AUTS2: variants seen among roughly 807,000 people sequenced by gnomAD.
AUTS2 encodes autism susceptibility gene 2 protein.
A neutral mutation model predicts 112.4 loss-of-function variants in AUTS2; 17 were observed. That is an observed-to-expected ratio of 0.15 (90% CI 0.10 to 0.23). AUTS2 has a LOEUF of 0.23. AUTS2 is among the 10% of genes least tolerant of loss of function. The pLI is 1.00. For synonymous variants in AUTS2, 751 were observed against 702.7 expected (o/e 1.07, Z -1.09); for missense variants, 1,510 against 1,701.6 (o/e 0.89, Z 1.98).
At chr7:69,680,976 G>C (rs1423391930) in intron 1 of AUTS2, among the ~76,000 whole-genome samples, 1 of 152,160 alleles carries the variant, frequency 6.6e-6, no homozygotes, top group Admixed American at 6.5e-5. Flanking sequence ...AGCTGAATTT[G>C]AGTATTTTAG....
At chr7:69,978,899 C>T (rs1430051565) in intron 2 of AUTS2, among the ~76,000 whole-genome samples, 1 of 142,212 alleles carries the variant, frequency 7.0e-6, no homozygotes. Context: ...CACACACACA[C>T]ACGCACACAC....
intron 4 of AUTS2, among the ~76,000 whole-genome samples, chr7:70,386,935 T>G (rs886500152): frequency 6.6e-6 from 1 of 152,198 alleles, no homozygotes; most frequent in Non-Finnish European, 1.5e-5. Flanking sequence ...TTCTTCTTAT[T>G]TAAATAACCA....
At chr7:69,666,564 G>A (rs1160939407) in intron 1 of AUTS2, among the ~76,000 whole-genome samples, 2 of 152,124 alleles carry the variant, frequency 1.3e-5, no homozygotes, top group Non-Finnish European at 2.9e-5. Flanking sequence ...ATTGCACCAT[G>A]TTCCCCATGA....
At chr7:69,981,529 G>A (rs1027615090) in intron 2 of AUTS2, among the ~76,000 whole-genome samples, 1 of 152,014 alleles carries the variant, frequency 6.6e-6, no homozygotes, top group Non-Finnish European at 1.5e-5. Context: ...TATGATCACT[G>A]TTATCTCTAG....
intron 4 of AUTS2, among the ~76,000 whole-genome samples, chr7:70,398,466 GTGA>G (rs568485330): frequency 4.7e-4 from 71 of 151,954 alleles, no homozygotes; most frequent in Non-Finnish European, 9.7e-4. Context: ...TATTTTTTGT[GTGA>G]TCCCTAGTTT....
At chr7:70,413,774 C>T (rs570933018) in intron 4 of AUTS2, among the ~76,000 whole-genome samples, 1 of 152,208 alleles carries the variant, frequency 6.6e-6, no homozygotes, top group South Asian at 2.1e-4. Context: ...ACCTCCTGAG[C>T]TCAAGCAATC....
chr7:70,606,255 T>G (rs1474014949), intron 5 of AUTS2, among the ~76,000 whole-genome samples: 9 of 152,244 alleles, frequency 5.9e-5, no homozygotes, highest in Admixed American at 5.9e-4. Flanking sequence ...GGAATTCTAC[T>G]TGAAGCCTAT....
rs561731165 is a variant in AUTS2 at position 70,430,866 on chromosome 7, C to G, written c.661-4886C>G. Among the ~76,000 whole-genome samples, 3 of 122,022 alleles carry G rather than the reference C, an allele frequency of 2.5e-5. No homozygotes were observed. In the Admixed American group the frequency reaches 3.0e-4, roughly 12 times the overall value. 80.1% of individuals were successfully genotyped at this position (122,022 alleles called of 152,430 possible). On this transcript the variant is annotated intron_variant, in intron 4 of 18. Coordinates refer to ENST00000342771, the MANE Select transcript of AUTS2 (RefSeq NM_015570.4). ...TTTTTTTTTTTTTGAGACGGAGTCT[C>G]GCTCTGTCGCCCAGGCTGGAGTGCA...
intron 4 of AUTS2, among the ~76,000 whole-genome samples, chr7:70,400,218 CTG>C (rs1794268724): frequency 6.6e-6 from 1 of 152,180 alleles, no homozygotes; most frequent in Admixed American, 6.6e-5. Flanking sequence ...ATGACTGTCT[CTG>C]TGTTGTTGAG....
chr7:69,892,727 T>C (rs1290719101), intron 1 of AUTS2, among the ~76,000 whole-genome samples: 1 of 152,238 alleles, frequency 6.6e-6, no homozygotes, highest in African/African-American at 2.4e-5. Flanking sequence ...AGAAATTTTA[T>C]GGTTTTAGGT....
chr7:69,853,414 G>A (rs1792578114), intron 1 of AUTS2, among the ~76,000 whole-genome samples: 2 of 152,014 alleles, frequency 1.3e-5, no homozygotes, highest in Non-Finnish European at 2.9e-5. Context: ...TCTATGTTCT[G>A]AAGTCTACTT....
intron 5 of AUTS2, among the ~76,000 whole-genome samples, chr7:70,678,091 T>C (rs11760942): frequency 0.13 from 20,291 of 151,868 alleles, 1,525 homozygotes; most frequent in African/African-American, 0.2. Flanking sequence ...CAAAAAAAAT[T>C]AATAAATAAT....
intron 2 of AUTS2, among the ~76,000 whole-genome samples, chr7:70,086,970 ATAT>A (rs1803641021): frequency 6.8e-6 from 1 of 147,940 alleles, no homozygotes; most frequent in Non-Finnish European, 1.5e-5. Flanking sequence ...TTCTTTTCTT[ATAT>A]TATTGCACTG....
intron 1 of AUTS2, among the ~76,000 whole-genome samples, chr7:69,629,720 C>T (rs891112445): frequency 2.0e-5 from 3 of 152,060 alleles, no homozygotes; most frequent in Non-Finnish European, 2.9e-5. Flanking sequence ...CTGTGAGCCA[C>T]ATGAGGGCAG....
At chr7:70,434,891 C>T (rs1795826234) in intron 4 of AUTS2, among the ~76,000 whole-genome samples, 1 of 152,182 alleles carries the variant, frequency 6.6e-6, no homozygotes, top group Admixed American at 6.6e-5. Flanking sequence ...AAAACACATC[C>T]CCCAGTTTTT....
intron 5 of AUTS2, among the ~76,000 whole-genome samples, chr7:70,536,752 T>C (rs957257292): frequency 6.6e-6 from 1 of 151,788 alleles, no homozygotes; most frequent in East Asian, 1.9e-4. Context: ...AATACAAAAT[T>C]AGCCGGGCGA....
At chr7:70,512,240 A>G (rs1388266315) in intron 5 of AUTS2, among the ~76,000 whole-genome samples, 1 of 152,204 alleles carries the variant, frequency 6.6e-6, no homozygotes, top group East Asian at 1.9e-4. Context: ...GATGGCGCAC[A>G]TATCCATGTG....
intron 1 of AUTS2, among the ~76,000 whole-genome samples, chr7:69,700,203 T>C (rs1410026806): frequency 6.6e-6 from 1 of 152,218 alleles, no homozygotes; most frequent in East Asian, 1.9e-4. Flanking sequence ...TCAATTTGCA[T>C]TTCTTATTAT....
intron 5 of AUTS2, among the ~76,000 whole-genome samples, chr7:70,455,221 T>A (rs972257169): frequency 2.6e-5 from 4 of 152,194 alleles, no homozygotes; most frequent in Admixed American, 6.5e-5. Context: ...ATAGTAAGAT[T>A]ACTGTCATAT....
Sources: allele counts gnomAD v4.1 joint callset (sites outside exome capture counted in the v4.1 genomes callset), GRCh38; gene constraint gnomAD v4.1.1; transcripts MANE v1.5; gene names NCBI Gene and HGNC (gene_info 2026-07-23, HGNC 2026-07-21).